Variants in COL4A3 observed in about 807,000 individuals in gnomAD.
COL4A3 encodes the protein collagen alpha-3(IV) chain.
Under a neutral mutation model 217.4 loss-of-function variants are expected in COL4A3, and 135 were observed. The observed-to-expected ratio is 0.62, with a 90% CI of 0.54 to 0.72. COL4A3 has a LOEUF of 0.72. Ranked by LOEUF, COL4A3 falls within the 30% of genes least tolerant of loss-of-function variation. COL4A3 has a pLI of 0.00. For synonymous variants in COL4A3, 690 were observed against 736.3 expected (o/e 0.94, Z 1.02); for missense variants, 1,868 against 2,119.9 (o/e 0.88, Z 2.33).
intron 36 of COL4A3, 72 bp from the exon 37 acceptor site, chr2:227,290,675 A>C: frequency 1.3e-6 from 2 of 1,508,436 alleles, no homozygotes; most frequent in East Asian, 4.5e-5. Context: ...AGCTTATGTA[A>C]AACTGAAAAG....
At chr2:227,264,515 T>C (rs953546506) in intron 21 of COL4A3, among the ~76,000 whole-genome samples, 1 of 152,158 alleles carries the variant, frequency 6.6e-6, no homozygotes, top group African/African-American at 2.4e-5. Flanking sequence ...ATGACAGAGA[T>C]GTGGCCCAAT....
Position 227,253,364 on chromosome 2 carries a change from C to T in COL4A3, c.687+27C>T. The stretch of plus-strand genomic sequence containing the variant: ...TAATTTAAATACTATGTTTTATTAG[C>T]AGGCGAGATATTTTATGTCCCAGAG... On this transcript the variant is annotated intron_variant, in intron 12 of 51. Transcript: ENST00000396578. The surrounding 1 kb of genome is among the most constrained non-coding windows in gnomAD (Gnocchi z 4.4). The T allele has an allele frequency of 1.2e-6, 2 of 1,609,580 alleles. No individual in the cohort carries two copies. Among genetic ancestry groups the T allele is most frequent in the Middle Eastern group, 1.7e-4 (1 of 6,052 alleles).
rs1470117781 is a variant in COL4A3 at position 227,311,036 on chromosome 2, T to C, written c.4928+88T>C. The C allele has an allele frequency of 4.9e-6, 7 of 1,440,318 alleles. No homozygotes were observed. In the African/African-American group the frequency reaches 9.8e-5, roughly 20 times the overall value. The allele number at this position is 1,440,318 out of a possible 1,614,324, so 89.2% of individuals were successfully genotyped here. A position where few individuals can be genotyped will look rare whatever the true frequency, so the allele number is the denominator to read the frequency against. On this transcript the variant is annotated intron_variant, in intron 51 of 51. Coordinates refer to ENST00000396578, the MANE Select transcript of COL4A3 (RefSeq NM_000091.5). The stretch of plus-strand genomic sequence containing the variant: ...GTGTTCTTGGGTCAACGAGTAGCCA[T>C]GATTTTGTACTACTGTGCCAATAAA...
chr2:227,232,028 T>C (rs1436530744), intron 1 of COL4A3, among the ~76,000 whole-genome samples: 1 of 152,206 alleles, frequency 6.6e-6, no homozygotes, highest in African/African-American at 2.4e-5. Context: ...GATTTGATTT[T>C]TAGATCCCAC....
At chr2:227,240,410 T>C (rs1365751178) in intron 3 of COL4A3, among the ~76,000 whole-genome samples, 178 bp downstream of exon 3, 1 of 152,196 alleles carries the variant, frequency 6.6e-6, no homozygotes, top group African/African-American at 2.4e-5. Context: ...TCCAAGACTA[T>C]TGCAAATGAT....
intron 1 of COL4A3, among the ~76,000 whole-genome samples, chr2:227,181,625 A>C (rs1559800108): frequency 6.6e-6 from 1 of 152,204 alleles, no homozygotes; most frequent in Non-Finnish European, 1.5e-5. Context: ...TATTTGCATA[A>C]AAGTGAGATC....
intron 1 of COL4A3, among the ~76,000 whole-genome samples, chr2:227,184,745 T>A (rs2065962207): frequency 6.6e-6 from 1 of 152,148 alleles, no homozygotes; most frequent in Non-Finnish European, 1.5e-5. Flanking sequence ...ATGCTTAAAG[T>A]TCATACCCGA....
intron 1 of COL4A3, among the ~76,000 whole-genome samples, chr2:227,201,940 A>G (rs773103000): frequency 6.6e-6 from 1 of 152,188 alleles, no homozygotes; most frequent in African/African-American, 2.4e-5. Flanking sequence ...AAAGTATTAA[A>G]TGGAAACTAT....
chr2:227,280,085 T>C (rs1240379236), intron 29 of COL4A3, among the ~76,000 whole-genome samples, 195 bp downstream of exon 29: 3 of 152,262 alleles, frequency 2.0e-5, no homozygotes, highest in Admixed American at 2.0e-4. Flanking sequence ...GGTGTCAGAA[T>C]GCAGATTTCA....
chr2:227,195,699 G>GTA (rs2066447025), intron 1 of COL4A3, among the ~76,000 whole-genome samples: 1 of 150,676 alleles, frequency 6.6e-6, no homozygotes, highest in Admixed American at 6.7e-5. Flanking sequence ...GTGTGTGTAT[G>GTA]TGTGTGTGTA....
intron 48 of COL4A3, among the ~76,000 whole-genome samples, chr2:227,308,243 A>G (rs564593307): frequency 3.2e-4 from 48 of 152,062 alleles, no homozygotes; most frequent in African/African-American, 1.2e-3. Context: ...ACAGGGTCTC[A>G]CTTTCATCAC....
intron 5 of COL4A3, 62 bp from the exon 6 acceptor site, chr2:227,245,892 C>T: frequency 8.4e-7 from 1 of 1,185,318 alleles, no homozygotes; most frequent in Non-Finnish European, 1.3e-6. Flanking sequence ...TGCATCTTTT[C>T]CCTTGGGTTC....
chr2:227,178,363 A>G (rs2065757656), intron 1 of COL4A3, among the ~76,000 whole-genome samples: 2 of 152,288 alleles, frequency 1.3e-5, no homozygotes, highest in East Asian at 3.9e-4. Context: ...AGCCTGGGCA[A>G]CAGAGTGAGA....
intron 37 of COL4A3, among the ~76,000 whole-genome samples, chr2:227,291,306 G>C (rs1197364607): frequency 6.6e-6 from 1 of 152,092 alleles, no homozygotes; most frequent in African/African-American, 2.4e-5. Context: ...GCTCACGCCT[G>C]TAATCCTAGC....
At chr2:227,182,890 T>C (rs929857700) in intron 1 of COL4A3, among the ~76,000 whole-genome samples, 7 of 152,230 alleles carry the variant, frequency 4.6e-5, no homozygotes, top group African/African-American at 1.7e-4. Context: ...TAATATGTTC[T>C]GATATAAAAC....
At position 227,181,096 on chromosome 2, in the gene COL4A3, TA is replaced by T. The variant is rs149276437; in HGVS notation, c.87+16284del. On this transcript the variant is annotated intron_variant, in intron 1 of 51. Transcript: ENST00000396578. ...GATTTCATCACTTTTGTGATGACTT[TA>T]TCAGGTACCTCAATGAAAATACCTG... is the stretch of plus-strand genomic sequence containing the variant. Among the ~76,000 whole-genome samples the T allele has an allele frequency of 1.6e-3, 237 of 152,342 alleles. 9 individuals carry two copies. In the East Asian group the frequency reaches 0.043, roughly 27 times the overall value.
At chr2:227,245,023 GAAA>G (rs1444871971) in intron 5 of COL4A3, 28 bp downstream of exon 5, 1 of 1,604,598 alleles carries the variant, frequency 6.2e-7, no homozygotes, top group Non-Finnish European at 8.5e-7. Context: ...TCCGTAGCTA[GAAA>G]ATTTAAAAGT....
At chr2:227,203,601 ATG>A (rs1401039843) in intron 1 of COL4A3, among the ~76,000 whole-genome samples, 2 of 232 alleles carry the variant, frequency 8.6e-3, no homozygotes, top group Non-Finnish European at 0.013. Context: ...ATATACATAT[ATG>A]TGTGTATATA....
At chr2:227,240,064 G>C (rs866987711) in intron 2 of COL4A3, 79 bp from the exon 3 acceptor site, 2 of 1,176,224 alleles carry the variant, frequency 1.7e-6, no homozygotes, top group East Asian at 5.1e-5. Flanking sequence ...ATAAACAAGA[G>C]AACATAATGG....
Sources: allele counts gnomAD v4.1 joint callset (sites outside exome capture counted in the v4.1 genomes callset), GRCh38; gene constraint gnomAD v4.1.1; non-coding constraint Gnocchi (gnomAD v3.1); transcripts MANE v1.5; gene names NCBI Gene and HGNC (gene_info 2026-07-23, HGNC 2026-07-21).